CRTC1: variants seen among roughly 807,000 people sequenced by gnomAD.
CRTC1 encodes the protein CREB-regulated transcription coactivator 1.
CRTC1 carries 18 observed loss-of-function variants against 66.1 expected under a neutral mutation model. The observed-to-expected ratio is 0.27, with a 90% confidence interval of 0.19 to 0.40. The LOEUF is 0.40. Among genes scored for constraint, CRTC1 ranks in the 10% least tolerant of loss-of-function variants. The pLI is 1.00. For missense variants in CRTC1, 669 were observed against 887.9 expected, an observed-to-expected ratio of 0.75 and a Z score of 3.13; for synonymous variants, 416 against 398.8, an observed-to-expected ratio of 1.04 and a Z score of -0.51.
At chr19:18,742,401 C>T (rs111544579) in intron 1 of CRTC1, among the ~76,000 whole-genome samples, 13 of 152,320 alleles carry the variant, frequency 8.5e-5, no homozygotes, top group African/African-American at 2.9e-4. Flanking sequence ...ACTTGGCTGC[C>T]CTGGCTCTGT....
chr19:18,694,096 CA>C (rs1405899487), intron 1 of CRTC1, among the ~76,000 whole-genome samples: 2 of 149,334 alleles, frequency 1.3e-5, no homozygotes, highest in African/African-American at 5.0e-5. Context: ...TGCACCACTG[CA>C]CTCCCCAGCC....
In CRTC1 at chr19:18,771,394, G is replaced by T; in HGVS notation, c.1321-48G>T. The T allele has an allele frequency of 1.3e-6, 2 of 1,516,866 alleles. No homozygotes were observed. The highest frequency in any genetic ancestry group is 1.2e-5 in the South Asian group (1 of 82,706). The allele number at this position is 1,516,866 out of a possible 1,614,324, so 94.0% of individuals were successfully genotyped here. ...TCCCGGGAAGCAGGGACTGGAGCCC[G>T]GGCTTGGGCAGCTGGGCTGCGGCGT... On this transcript the variant is annotated intron_variant, in intron 10 of 13. Coordinates refer to ENST00000321949, the MANE Select transcript of CRTC1 (RefSeq NM_015321.3). The surrounding 1 kb of genome is among the most constrained non-coding windows in gnomAD (Gnocchi z 4.6).
Position 18,779,615 on chromosome 19 carries a change from C to T in CRTC1, c.*2233C>T, listed in dbSNP as rs2055064571. Reference sequence around the variant, plus strand: ...AGGCATTGAGGACCATGCTAGGAAACCTCATACCCCATCCGTCCAACCTCC... The same window carrying T: ...AGGCATTGAGGACCATGCTAGGAAATCTCATACCCCATCCGTCCAACCTCC... On this transcript the variant is annotated 3_prime_UTR_variant, in exon 14 of 14. Coordinates refer to ENST00000321949, the MANE Select transcript of CRTC1 (RefSeq NM_015321.3). The T allele has an allele frequency of 4.5e-6, 1 of 222,630 alleles. No homozygotes were observed. The highest frequency in any genetic ancestry group is 1.8e-4 in the South Asian group (1 of 5,440). 13.8% of individuals were successfully genotyped at this position (222,630 alleles called of 1,614,324 possible). A position where few individuals can be genotyped will look rare whatever the true frequency, so the allele number is the denominator to read the frequency against.
rs1391628408 is a variant in CRTC1, at chr19:18,777,543, C to A, written c.*161C>A. ...CCCGCCCCCGGTTGTCCACCTCCCG[C>A]GAAGCCCAATCGCGAGGCCGCGAGC... On this transcript the variant is annotated 3_prime_UTR_variant, in exon 14 of 14. Transcript: ENST00000321949. This position sits in a 1 kb window ranked among gnomAD's most constrained non-coding sequence, Gnocchi z 5.5. 4.1e-5 allele frequency: 28 copies of A among 679,332 alleles called. No individual in the cohort carries two copies. The highest frequency in any genetic ancestry group is 6.9e-5 in the Non-Finnish European group (28 of 405,010). The allele number at this position is 679,332 out of a possible 1,614,324, so 42.1% of individuals were successfully genotyped here.
chr19:18,776,192 G>A (rs889353361), intron 13 of CRTC1, among the ~76,000 whole-genome samples: 6 of 152,244 alleles, frequency 3.9e-5, no homozygotes, highest in Admixed American at 3.9e-4. Flanking sequence ...GGTCAGGGAC[G>A]GCTGTGGGGT....
intron 1 of CRTC1, among the ~76,000 whole-genome samples, chr19:18,710,395 T>C (rs1382283031): frequency 6.6e-6 from 1 of 152,078 alleles, no homozygotes; most frequent in Non-Finnish European, 1.5e-5. Flanking sequence ...AGCAGATCCT[T>C]CTTGAAAGGG....
intron 6 of CRTC1, among the ~76,000 whole-genome samples, chr19:18,754,636 T>C (rs2145782663): frequency 6.6e-6 from 1 of 152,354 alleles, no homozygotes; most frequent in East Asian, 1.9e-4. Context: ...TGCAATAAAC[T>C]AGAAACAGCC....
intron 1 of CRTC1, among the ~76,000 whole-genome samples, chr19:18,718,340 T>G (rs2145614337): frequency 6.6e-6 from 1 of 152,200 alleles, no homozygotes; most frequent in African/African-American, 2.4e-5. Flanking sequence ...TCCTTCCTTT[T>G]TTGTTGTTCC....
rs751893665 is a variant in CRTC1 at position 18,759,610 on chromosome 19, C to T, written c.665+19C>T. 1 of 1,611,306 alleles carries T rather than the reference C, an allele frequency of 6.2e-7. No homozygotes were observed. Among genetic ancestry groups the T allele is most frequent in the Admixed American group, 1.7e-5 (1 of 59,836 alleles). ...GAATCAAGTAAGTCTCCACAGGGCC[C>T]ACCCCGCACACTGCATCTGCTGCGC... On this transcript the variant is annotated intron_variant, in intron 7 of 13. Transcript: ENST00000321949.
intron 1 of CRTC1, among the ~76,000 whole-genome samples, chr19:18,692,804 G>A (rs1345081802): frequency 6.6e-6 from 1 of 152,012 alleles, no homozygotes; most frequent in Admixed American, 6.6e-5. Context: ...GGCCGGGCAC[G>A]GTGGCTCACG....
intron 1 of CRTC1, among the ~76,000 whole-genome samples, chr19:18,738,622 C>T (rs1347161552): frequency 6.6e-6 from 1 of 152,058 alleles, no homozygotes; most frequent in African/African-American, 2.4e-5. Context: ...GCCAACATGG[C>T]GAAACCCCAT....
chr19:18,705,381 C>T (rs551331835), intron 1 of CRTC1, among the ~76,000 whole-genome samples: 6 of 152,216 alleles, frequency 3.9e-5, no homozygotes, highest in East Asian at 3.9e-4. Flanking sequence ...AGTGCAGTGG[C>T]GTGATCTCGG....
At chr19:18,759,476 A>G in intron 6 of CRTC1, 75 bp from the exon 7 acceptor site, 1 of 1,475,622 alleles carries the variant, frequency 6.8e-7, no homozygotes, top group East Asian at 2.4e-5. Context: ...AGCCGTTTCA[A>G]GGAGGCCCAG....
intron 1 of CRTC1, among the ~76,000 whole-genome samples, chr19:18,731,641 C>T (rs1367877991): frequency 6.6e-6 from 1 of 152,100 alleles, no homozygotes; most frequent in Non-Finnish European, 1.5e-5. Context: ...CTGGGCTGCT[C>T]CTGCTACCTT....
At chr19:18,752,193 A>G (rs2054379638) in intron 5 of CRTC1, among the ~76,000 whole-genome samples, 1 of 151,578 alleles carries the variant, frequency 6.6e-6, no homozygotes, top group South Asian at 2.1e-4. Context: ...CACACAAGCT[A>G]GGCAGCTGCT....
In CRTC1 at chr19:18,760,034, A is replaced by G. The variant is rs755021741; in HGVS notation, c.692A>G (p.Asn231Ser). 1 of 1,590,282 alleles carries G rather than the reference A, an allele frequency of 6.3e-7. No individual in the cohort carries two copies. The highest frequency in any genetic ancestry group is 1.7e-5 in the Admixed American group (1 of 59,156). ...INIFPSADQE[N>S]TTALIPATHN... ...ATCTTCCCGTCTGCCGACCAGGAAA[A>G]CACTACAGCCCTGATCCCCGCCACC... The change falls in exon 8 of 14, where the codon AAC (asparagine) becomes AGC (serine). Residue 231 changes from asparagine (N) to serine (S), a missense_variant. Around this residue, in one of 8 missense-constraint regions of CRTC1, gnomAD observed 214 missense variants for 323.4 expected, o/e 0.66. Coordinates refer to ENST00000321949, the MANE Select transcript of CRTC1 (RefSeq NM_015321.3). This position sits in a 1 kb window ranked among gnomAD's most constrained non-coding sequence, Gnocchi z 6.2.
Position 18,777,047 on chromosome 19 carries a change from C to T in CRTC1, c.1694-124C>T. 3.1e-6 allele frequency: 2 copies of T among 649,062 alleles called. No individual in the cohort carries two copies. Among genetic ancestry groups the T allele is most frequent in the South Asian group, 1.7e-5 (1 of 57,436 alleles). The allele number at this position is 649,062 out of a possible 1,614,324, so 40.2% of individuals were successfully genotyped here. On this transcript the variant is annotated intron_variant, in intron 13 of 13. Transcript: ENST00000321949. The surrounding 1 kb of genome is among the most constrained non-coding windows in gnomAD (Gnocchi z 5.5). ...CCCCCAGTCATGACAGCTGGAATGT[C>T]CCCAGACATTGCCAGCATACCCAGG...
Position 18,771,412 on chromosome 19 carries a change from T to A in CRTC1, c.1321-30T>A. The A allele has an allele frequency of 6.3e-7, 1 of 1,582,468 alleles. No individual in the cohort carries two copies. On this transcript the variant is annotated intron_variant, in intron 10 of 13. Transcript: ENST00000321949. This position sits in a 1 kb window ranked among gnomAD's most constrained non-coding sequence, Gnocchi z 4.6. ...GGAGCCCGGGCTTGGGCAGCTGGGC[T>A]GCGGCGTGCTGATCTGTCTGTCATC...
chr19:18,703,114 C>A (rs928556681), intron 1 of CRTC1, among the ~76,000 whole-genome samples: 12 of 152,274 alleles, frequency 7.9e-5, no homozygotes, highest in Non-Finnish European at 1.8e-4. Flanking sequence ...TCCCGAGTAG[C>A]TGGGACTACA....
Sources: allele counts gnomAD v4.1 joint callset (sites outside exome capture counted in the v4.1 genomes callset), GRCh38; gene constraint gnomAD v4.1.1; regional missense constraint gnomAD v4.1.1; non-coding constraint Gnocchi (gnomAD v3.1); transcripts MANE v1.5; gene names NCBI Gene and HGNC (gene_info 2026-07-23, HGNC 2026-07-21).